The following HLF variants were observed in gnomAD, a reference collection of about 807,000 sequenced individuals.
HLF encodes HLF transcription factor, PAR bZIP family member, also known as hepatic leukemia factor.
Under a neutral mutation model 22.6 loss-of-function variants are expected in HLF, and 3 were observed. The observed-to-expected ratio is 0.13, with a 90% CI of 0.06 to 0.34. The LOEUF is 0.34. Ranked by LOEUF, HLF falls within the 10% of genes least tolerant of loss-of-function variation. HLF has a pLI of 1.00. For missense variants in HLF, 299 were observed against 389.2 expected, an observed-to-expected ratio of 0.77 and a Z score of 1.95; for synonymous variants, 151 against 151.8, an observed-to-expected ratio of 0.99 and a Z score of 0.04.
At chr17:55,286,472 G>C (rs777940830) in intron 2 of HLF, among the ~76,000 whole-genome samples, 1 of 151,984 alleles carries the variant, frequency 6.6e-6, no homozygotes. Flanking sequence ...GGGTAATCTC[G>C]CTTCCCTCAG....
At chr17:55,291,852 A>G (rs2081065711) in intron 2 of HLF, among the ~76,000 whole-genome samples, 2 of 152,236 alleles carry the variant, frequency 1.3e-5, no homozygotes, top group Admixed American at 6.5e-5. Context: ...TCCAACATAA[A>G]CTGAAGTTAG....
intron 2 of HLF, among the ~76,000 whole-genome samples, chr17:55,295,692 C>T (rs2081105902): frequency 6.6e-6 from 1 of 152,224 alleles, no homozygotes; most frequent in African/African-American, 2.4e-5. Context: ...CCCTGGGCTG[C>T]CCTATGTCCC....
At chr17:55,270,133 C>G (rs2145294556) in intron 2 of HLF, among the ~76,000 whole-genome samples, 1 of 152,276 alleles carries the variant, frequency 6.6e-6, no homozygotes, top group East Asian at 1.9e-4. Flanking sequence ...CAATGCATAG[C>G]AAAGAACTCC....
intron 2 of HLF, among the ~76,000 whole-genome samples, chr17:55,294,531 G>A (rs1238077552): frequency 6.6e-6 from 1 of 152,176 alleles, no homozygotes; most frequent in Non-Finnish European, 1.5e-5. Flanking sequence ...GCTAGCACTT[G>A]GTAAATATTA....
chr17:55,265,160 T>A lies in HLF; in HGVS notation c.-325T>A, dbSNP rs996662780. ...CTGCAGCCGTCGACATTTTTTTTTC[T>A]TTCTTTTTTTCAATTTTGAACATTT... On this transcript the variant is annotated 5_prime_UTR_variant, in exon 1 of 4. Transcript: ENST00000226067. 8 of 231,284 alleles carry A rather than the reference T, an allele frequency of 3.5e-5. No individual in the cohort carries two copies. Among genetic ancestry groups the A allele is most frequent in the African/African-American group, 1.8e-4 (8 of 44,556 alleles). 14.3% of individuals were successfully genotyped at this position (231,284 alleles called of 1,614,324 possible). A position where few individuals can be genotyped will look rare whatever the true frequency, so the allele number is the denominator to read the frequency against.
intron 2 of HLF, among the ~76,000 whole-genome samples, chr17:55,309,134 A>T (rs1289175414): frequency 6.6e-6 from 1 of 152,174 alleles, no homozygotes; most frequent in African/African-American, 2.4e-5. Context: ...GGTCCCATGG[A>T]ATAGGACATG....
At chr17:55,309,708 T>A (rs1237470834) in intron 2 of HLF, among the ~76,000 whole-genome samples, 1 of 152,252 alleles carries the variant, frequency 6.6e-6, no homozygotes, top group Non-Finnish European at 1.5e-5. Context: ...AGGATAATGT[T>A]ATCAGCTGGC....
intron 2 of HLF, among the ~76,000 whole-genome samples, 171 bp from the exon 3 acceptor site, chr17:55,315,056 C>T (rs1905008880): frequency 6.6e-6 from 1 of 152,230 alleles, no homozygotes; most frequent in Non-Finnish European, 1.5e-5. Flanking sequence ...TCAAGTCATA[C>T]TCAACCTGCT....
intron 2 of HLF, among the ~76,000 whole-genome samples, chr17:55,282,448 G>T (rs1186452125): frequency 2.6e-5 from 4 of 152,198 alleles, no homozygotes; most frequent in Non-Finnish European, 4.4e-5. Context: ...TTACAAGTAT[G>T]TCATAATAGA....
chr17:55,268,838 A>G (rs1265256180), intron 2 of HLF, among the ~76,000 whole-genome samples: 1 of 152,154 alleles, frequency 6.6e-6, no homozygotes, highest in African/African-American at 2.4e-5. Context: ...GAAATAGTAC[A>G]CAAAAATATC....
At chr17:55,309,933 A>G (rs1904753641) in intron 2 of HLF, among the ~76,000 whole-genome samples, 1 of 152,248 alleles carries the variant, frequency 6.6e-6, no homozygotes, top group South Asian at 2.1e-4. Context: ...AGAGATAAAG[A>G]CAGAGTGCTG....
rs1001458462 is a variant in HLF at position 55,323,779 on chromosome 17, G to C, written c.*2900G>C. 4.3e-6 allele frequency: 1 copy of C among 230,758 alleles called. No homozygotes were observed. Among genetic ancestry groups the C allele is most frequent in the African/African-American group, 2.2e-5 (1 of 45,184 alleles). 14.3% of individuals were successfully genotyped at this position (230,758 alleles called of 1,614,324 possible). On this transcript the variant is annotated 3_prime_UTR_variant, in exon 4 of 4. Coordinates refer to ENST00000226067, the MANE Select transcript of HLF (RefSeq NM_002126.5). Reference sequence around the variant, plus strand: ...TTGGGTCAACCGGAGTCAGACGCATGTCTGCACGCTGCAGCTATTATGAGA... The same window carrying C: ...TTGGGTCAACCGGAGTCAGACGCATCTCTGCACGCTGCAGCTATTATGAGA...
chr17:55,269,366 A>ATC (rs1388969325), intron 2 of HLF, among the ~76,000 whole-genome samples: 1 of 152,130 alleles, frequency 6.6e-6, no homozygotes, highest in African/African-American at 2.4e-5. Context: ...ACATGCCTTT[A>ATC]TGTGATCCTG....
chr17:55,303,240 C>T (rs1904384341), intron 2 of HLF, among the ~76,000 whole-genome samples: 1 of 152,140 alleles, frequency 6.6e-6, no homozygotes, highest in Non-Finnish European at 1.5e-5. Flanking sequence ...TTGAAATGGT[C>T]ATCACACCCA....
chr17:55,270,444 A>G (rs1704346804), intron 2 of HLF, among the ~76,000 whole-genome samples: 1 of 152,226 alleles, frequency 6.6e-6, no homozygotes, highest in African/African-American at 2.4e-5. Context: ...TGATGGATGG[A>G]TATTGCAAGC....
In HLF at chr17:55,310,229, C is replaced by CA. The variant is rs968679159; in HGVS notation, c.452-4990dup. Among the ~76,000 whole-genome samples the CA allele has an allele frequency of 1.8e-4, 27 of 151,500 alleles. 1 individual carries two copies. The highest frequency in any genetic ancestry group is 3.4e-3 in the Middle Eastern group (1 of 294). ...AGCAAGAAGCTTTTAGAAAGAAAAACAAAAAAAACGAAAAACAATGTTCCA... is the reference window on the plus strand; with the variant it reads ...AGCAAGAAGCTTTTAGAAAGAAAAACAAAAAAAAACGAAAAACAATGTTCCA... On this transcript the variant is annotated intron_variant, in intron 2 of 3. Transcript: ENST00000226067.
chr17:55,265,416 A>G lies in HLF; in HGVS notation c.-69A>G. On this transcript the variant is annotated 5_prime_UTR_variant, in exon 1 of 4. Transcript: ENST00000226067. ...GCAAAGGACGGAGGAAAAGCTCAGCAACATTTTAGGGGGCGGTTGTTTCTT... is the reference window on the plus strand; with the variant it reads ...GCAAAGGACGGAGGAAAAGCTCAGCGACATTTTAGGGGGCGGTTGTTTCTT... 1.1e-6 allele frequency: 1 copy of G among 921,456 alleles called. No individual in the cohort carries two copies. Among genetic ancestry groups the G allele is most frequent in the South Asian group, 1.4e-5 (1 of 70,764 alleles). The allele number at this position is 921,456 out of a possible 1,614,324, so 57.1% of individuals were successfully genotyped here.
intron 1 of HLF, chr17:55,267,444 TAA>T: frequency 3.9e-6 from 1 of 256,506 alleles, no homozygotes; most frequent in Non-Finnish European, 7.4e-6. Context: ...ATTTTAGGTT[TAA>T]GTTATTACTC....
At chr17:55,297,877 G>A (rs1311507699) in intron 2 of HLF, among the ~76,000 whole-genome samples, 1 of 147,802 alleles carries the variant, frequency 6.8e-6, no homozygotes, top group Non-Finnish European at 1.5e-5. Flanking sequence ...AACCTCCCAA[G>A]TAGTTAAGAT....
Sources: allele counts gnomAD v4.1 joint callset (sites outside exome capture counted in the v4.1 genomes callset), GRCh38; gene constraint gnomAD v4.1.1; transcripts MANE v1.5; gene names NCBI Gene and HGNC (gene_info 2026-07-23, HGNC 2026-07-21).